GRID2: variants seen among roughly 807,000 people sequenced by gnomAD.
The protein encoded by GRID2 is glutamate receptor ionotropic, delta-2.
In GRID2, 33 loss-of-function variants were observed where a neutral mutation model predicts 114.8. That is an observed-to-expected ratio of 0.29 (90% CI 0.22 to 0.38). The LOEUF is 0.38. GRID2 is among the 10% of genes least tolerant of loss of function. GRID2 has a pLI of 1.00. For missense variants in GRID2, 1,184 were observed against 1,257.7 expected (o/e 0.94, Z 0.89); for synonymous variants, 505 against 449.9 (o/e 1.12, Z -1.55).
At chr4:92,313,187 A>T (rs1414737262) in intron 1 of GRID2, among the ~76,000 whole-genome samples, 1 of 151,858 alleles carries the variant, frequency 6.6e-6, no homozygotes, top group Admixed American at 6.6e-5. Flanking sequence ...AATGACTTGG[A>T]TGAGATTAGA....
chr4:93,726,507 T>G (rs1054130561), intron 14 of GRID2, among the ~76,000 whole-genome samples: 1 of 152,220 alleles, frequency 6.6e-6, no homozygotes, highest in Non-Finnish European at 1.5e-5. Flanking sequence ...AGTAGTTTTT[T>G]CCAATTCTGT....
chr4:93,613,634 G>A (rs866328054), intron 13 of GRID2, among the ~76,000 whole-genome samples: 1,541 of 109,382 alleles, frequency 0.014, 1 homozygote, highest in Middle Eastern at 0.073. Context: ...GGGGGTCAGG[G>A]GTCAGGGACC....
At chr4:92,638,815 ATAT>A (rs1165420243) in intron 2 of GRID2, among the ~76,000 whole-genome samples, 2 of 151,004 alleles carry the variant, frequency 1.3e-5, no homozygotes, top group Non-Finnish European at 3.0e-5. Context: ...TGAAAATTTA[ATAT>A]TTGTCTTTGA....
chr4:92,959,670 C>T (rs546226513), intron 2 of GRID2, among the ~76,000 whole-genome samples: 6 of 152,016 alleles, frequency 3.9e-5, no homozygotes, highest in Non-Finnish European at 8.8e-5. Flanking sequence ...GAATACAATG[C>T]AGCCATAAAA....
At chr4:93,709,419 G>C (rs574708215) in intron 14 of GRID2, among the ~76,000 whole-genome samples, 1 of 152,050 alleles carries the variant, frequency 6.6e-6, no homozygotes, top group East Asian at 1.9e-4. Context: ...ACTCTCTCTT[G>C]GCTTGTAAGT....
intron 2 of GRID2, among the ~76,000 whole-genome samples, chr4:92,751,952 C>T (rs1737473229): frequency 6.6e-6 from 1 of 152,118 alleles, no homozygotes; most frequent in African/African-American, 2.4e-5. Flanking sequence ...GCCAGATGAG[C>T]CAGTGTTCTA....
exon 2 of GRID2, chr4:93,809,478 T>G (rs1735092047): frequency 6.6e-6 from 1 of 152,192 alleles, no homozygotes; most frequent in South Asian, 2.1e-4. Flanking sequence ...ACATAAAGTT[T>G]CTATAAAAGT....
At chr4:93,118,004 T>C (rs1222808106) in intron 4 of GRID2, among the ~76,000 whole-genome samples, 2 of 152,160 alleles carry the variant, frequency 1.3e-5, no homozygotes, top group East Asian at 3.9e-4. Flanking sequence ...ACAAGAATCC[T>C]CTATGTTCCC....
chr4:92,791,135 T>A (rs559673122), intron 2 of GRID2, among the ~76,000 whole-genome samples: 21 of 151,930 alleles, frequency 1.4e-4, no homozygotes, highest in African/African-American at 5.1e-4. Context: ...TATCCCAAAT[T>A]GCCAGAAATT....
chr4:92,508,932 T>C (rs765294033), intron 1 of GRID2, among the ~76,000 whole-genome samples: 7 of 151,810 alleles, frequency 4.6e-5, no homozygotes, highest in African/African-American at 1.5e-4. Context: ...AGGATCCATT[T>C]TGAAGATGTA....
intron 2 of GRID2, among the ~76,000 whole-genome samples, chr4:93,002,439 C>T (rs1384876266): frequency 6.6e-6 from 1 of 151,300 alleles, no homozygotes; most frequent in Non-Finnish European, 1.5e-5. Flanking sequence ...CCGATGACTT[C>T]ATTCTGGTCA....
intron 8 of GRID2, among the ~76,000 whole-genome samples, chr4:93,337,283 C>T (rs530981994): frequency 4.7e-4 from 71 of 152,000 alleles, no homozygotes; most frequent in Admixed American, 3.7e-3. Context: ...ATTAACCTTC[C>T]GCAGTTTCAT....
At chr4:93,487,378 A>C (rs4693325) in intron 11 of GRID2, among the ~76,000 whole-genome samples, 127,098 of 151,740 alleles carry the variant, frequency 0.84, 53,797 homozygotes, top group African/African-American at 0.96. Context: ...GTAACTCAGA[A>C]TACTTTTCTT....
intron 2 of GRID2, among the ~76,000 whole-genome samples, chr4:92,930,361 T>G (rs1215019325): frequency 6.6e-6 from 1 of 151,372 alleles, no homozygotes; most frequent in Non-Finnish European, 1.5e-5. Context: ...TATAAAACAT[T>G]TAATAAAAGT....
intron 8 of GRID2, among the ~76,000 whole-genome samples, chr4:93,354,792 TTA>T (rs1174734938): frequency 3.3e-5 from 4 of 122,832 alleles, no homozygotes; most frequent in African/African-American, 1.3e-4. Context: ...ATATGAAGAT[TTA>T]TATATATATT....
At chr4:92,308,920 C>G (rs1177644796) in intron 1 of GRID2, among the ~76,000 whole-genome samples, 1 of 151,972 alleles carries the variant, frequency 6.6e-6, no homozygotes, top group African/African-American at 2.4e-5. Context: ...TACTAAGGGA[C>G]TTGGCTTTAC....
At chr4:93,739,147 G>A (rs1275764725) in intron 14 of GRID2, among the ~76,000 whole-genome samples, 1 of 152,094 alleles carries the variant, frequency 6.6e-6, no homozygotes, top group Non-Finnish European at 1.5e-5. Flanking sequence ...TGAAACTTCA[G>A]CTTCTTCACA....
chr4:92,788,898 A>G (rs1739446911), intron 2 of GRID2, among the ~76,000 whole-genome samples: 1 of 151,768 alleles, frequency 6.6e-6, no homozygotes, highest in Non-Finnish European at 1.5e-5. Flanking sequence ...TTTCCAGGTT[A>G]TTGGATTCTC....
At chr4:93,049,145 AATG>A (rs1393630576) in intron 2 of GRID2, among the ~76,000 whole-genome samples, 1 of 152,066 alleles carries the variant, frequency 6.6e-6, no homozygotes, top group Non-Finnish European at 1.5e-5. Flanking sequence ...AGCATTATAG[AATG>A]ATATGTTTCT....
Sources: gnomAD v4.1 joint callset for allele counts (sites outside exome capture counted in the v4.1 genomes callset) on GRCh38, gnomAD v4.1.1 for gene constraint, MANE v1.5 for transcripts, NCBI Gene and HGNC (gene_info 2026-07-23, HGNC 2026-07-21) for gene names.